Variants in TSHZ3 observed in about 807,000 individuals in gnomAD.
TSHZ3 encodes teashirt homolog 3.
TSHZ3 carries 10 observed loss-of-function variants against 64.5 expected under a neutral mutation model. The observed-to-expected ratio is 0.16, with a 90% CI of 0.10 to 0.26. The LOEUF (loss-of-function observed/expected upper bound fraction) is 0.26, where lower values mean the gene tolerates loss of function less well. Ranked by LOEUF, TSHZ3 falls within the 10% of genes least tolerant of loss-of-function variation. The pLI is 1.00. For missense variants in TSHZ3, 1,242 were observed against 1,421.7 expected, an observed-to-expected ratio of 0.87 and a Z score of 2.03; for synonymous variants, 608 against 593.1, an observed-to-expected ratio of 1.03 and a Z score of -0.36.
At chr19:31,336,248 C>T (rs1917238323) in intron 1 of TSHZ3, among the ~76,000 whole-genome samples, 1 of 152,134 alleles carries the variant, frequency 6.6e-6, no homozygotes, top group Non-Finnish European at 1.5e-5. Context: ...ATTTTAGCTT[C>T]AGAAAAAGCA....
intron 4 of TSHZ3, chr19:31,207,783 A>G (rs1370341118): frequency 6.6e-6 from 1 of 152,182 alleles, no homozygotes; most frequent in Non-Finnish European, 1.5e-5. Context: ...GTTTTTATAT[A>G]CTTGGCACTT....
At chr19:31,283,059 G>A (rs111859191) in intron 1 of TSHZ3, among the ~76,000 whole-genome samples, 2,407 of 152,244 alleles carry the variant, frequency 0.016, 101 homozygotes, top group Admixed American at 0.094. Context: ...AGGGCTGGGC[G>A]CAGTGGCTCA....
intron 5 of TSHZ3, among the ~76,000 whole-genome samples, chr19:31,161,362 G>T (rs1320164205): frequency 6.6e-6 from 1 of 152,118 alleles, no homozygotes; most frequent in East Asian, 1.9e-4. Flanking sequence ...AGTTAAGGCA[G>T]AACAACATAT....
At chr19:31,162,074 T>A in intron 5 of TSHZ3, among the ~76,000 whole-genome samples, 1 of 152,202 alleles carries the variant, frequency 6.6e-6, no homozygotes, top group East Asian at 1.9e-4. Flanking sequence ...GTGGCTGTGC[T>A]CATGCATAAT....
At position 31,276,585 on chromosome 19, in the gene TSHZ3, C is replaced by T. The variant is rs767075068; in HGVS notation, c.3208G>A (p.Asp1070Asn). The T allele has an allele frequency of 1.0e-5, 16 of 1,585,382 alleles. 2 individuals carry two copies. The South Asian group carries it at 1.8e-4, about 18-fold the overall frequency. Residue 1070 changes from aspartate (D) to asparagine (N), a missense_variant, in exon 2 of 2, where the codon GAC becomes AAC. Asp to Asn is a conservative substitution (Grantham distance 23, BLOSUM62 1). This residue lies in a region of TSHZ3 where 126 missense variants were observed against 140.6 expected (regional missense o/e 0.90). Transcript: ENST00000240587. ...AACTCAGAGACATACAGAAGGTGGT[C>T]TTCCGGAGATTTCCCGTGTGTTTTG... Reference protein sequence around the residue: ...LSKTHGKSPEDHLLYVSELEK... With the variant: ...LSKTHGKSPENHLLYVSELEK...
intron 5 of TSHZ3, among the ~76,000 whole-genome samples, chr19:31,195,298 C>A (rs1974970054): frequency 6.6e-6 from 1 of 151,852 alleles, no homozygotes; most frequent in African/African-American, 2.4e-5. Flanking sequence ...GCATATAATT[C>A]AAAATACAGA....
chr19:31,301,652 A>T (rs1416613744), intron 1 of TSHZ3, among the ~76,000 whole-genome samples: 2 of 152,158 alleles, frequency 1.3e-5, no homozygotes, highest in Non-Finnish European at 1.5e-5. Flanking sequence ...CAGGCCTCCC[A>T]TGGCAGGTCA....
chr19:31,333,106 CAATAAATA>C (rs10585080), intron 1 of TSHZ3, among the ~76,000 whole-genome samples: 48,278 of 137,636 alleles, frequency 0.35, 9,505 homozygotes, highest in East Asian at 0.85. Flanking sequence ...TCCTGTCTCA[CAATAAATA>C]AATAAATAAA....
intron 1 of TSHZ3, among the ~76,000 whole-genome samples, chr19:31,337,150 T>C (rs1917274056): frequency 6.6e-6 from 1 of 152,150 alleles, no homozygotes; most frequent in Admixed American, 6.5e-5. Flanking sequence ...CTGCCTTTGA[T>C]GATTGACAAC....
intron 5 of TSHZ3, among the ~76,000 whole-genome samples, chr19:31,168,147 T>G (rs929877467): frequency 6.6e-6 from 1 of 152,198 alleles, no homozygotes; most frequent in African/African-American, 2.4e-5. Context: ...ATAATTGATC[T>G]AGTATTTTTT....
At chr19:31,272,076 A>C (rs1313402880), downstream of TSHZ3, among the ~76,000 whole-genome samples, 1 of 152,150 alleles carries the variant, frequency 6.6e-6, no homozygotes, top group Non-Finnish European at 1.5e-5. Context: ...TATTTAAAAA[A>C]ATTTTTTTTA....
intron 1 of TSHZ3, among the ~76,000 whole-genome samples, chr19:31,251,611 C>T (rs904470380): frequency 2.6e-5 from 4 of 152,204 alleles, no homozygotes; most frequent in Non-Finnish European, 5.9e-5. Flanking sequence ...CCTCTCCCCA[C>T]GCCTCCCAAC....
chr19:31,224,857 C>G (rs1489977884), intron 4 of TSHZ3, among the ~76,000 whole-genome samples: 1 of 152,142 alleles, frequency 6.6e-6, no homozygotes, highest in African/African-American at 2.4e-5. Context: ...ACATTGTGCT[C>G]AAGAGCTGGA....
intron 5 of TSHZ3, among the ~76,000 whole-genome samples, chr19:31,190,543 T>C (rs1188524201): frequency 6.6e-6 from 1 of 152,126 alleles, no homozygotes; most frequent in Non-Finnish European, 1.5e-5. Flanking sequence ...ATCAAACTGA[T>C]TTCCCAATAA....
chr19:31,263,813 C>T (rs10410018), intron 1 of TSHZ3, among the ~76,000 whole-genome samples: 52,220 of 152,074 alleles, frequency 0.34, 13,375 homozygotes, highest in African/African-American at 0.71. Flanking sequence ...TGGGTAATAA[C>T]CACATAAATA....
At chr19:31,248,633 T>C (rs1037963936) in intron 1 of TSHZ3, among the ~76,000 whole-genome samples, 6 of 122,332 alleles carry the variant, frequency 4.9e-5, no homozygotes, top group East Asian at 2.4e-4. Flanking sequence ...AAAAAAAAAG[T>C]TTAAAAGACT....
downstream of TSHZ3, among the ~76,000 whole-genome samples, chr19:31,274,262 G>T (rs1467416739): frequency 6.6e-6 from 1 of 152,010 alleles, no homozygotes. Context: ...AGTAATAAAG[G>T]TATTTTACAA....
intron 1 of TSHZ3, among the ~76,000 whole-genome samples, chr19:31,264,679 T>C (rs1199989693): frequency 6.6e-6 from 1 of 152,084 alleles, no homozygotes; most frequent in Non-Finnish European, 1.5e-5. Flanking sequence ...TCTTCAAAGT[T>C]TGGCAATGAA....
At chr19:31,224,265 A>G (rs1016904674) in intron 4 of TSHZ3, among the ~76,000 whole-genome samples, 5 of 152,192 alleles carry the variant, frequency 3.3e-5, no homozygotes, top group African/African-American at 1.2e-4. Context: ...GAGTTTCACT[A>G]AAGTCCCTCC....
Sources: gnomAD v4.1 joint callset for allele counts (sites outside exome capture counted in the v4.1 genomes callset) on GRCh38, gnomAD v4.1.1 for gene constraint, gnomAD v4.1.1 regional missense constraint, MANE v1.5 for transcripts, NCBI Gene and HGNC (gene_info 2026-07-23, HGNC 2026-07-21) for gene names.